The following CDH11 variants were observed in gnomAD, a reference collection of about 807,000 sequenced individuals.
CDH11 encodes cadherin-11.
In CDH11, 11 loss-of-function variants were observed where a neutral mutation model predicts 67.8. That is an observed-to-expected ratio of 0.16 (90% confidence interval 0.10 to 0.27). The LOEUF (loss-of-function observed/expected upper bound fraction) is 0.27. Among genes scored for constraint, CDH11 ranks in the 10% least tolerant of loss-of-function variants. The pLI is 1.00. For synonymous variants in CDH11, 419 were observed against 400.0 expected, an observed-to-expected ratio of 1.05 and a Z score of -0.57; for missense variants, 847 against 1,031.2, an observed-to-expected ratio of 0.82 and a Z score of 2.45.
intron 1 of CDH11, among the ~76,000 whole-genome samples, chr16:65,089,541 A>G (rs1014084511): frequency 9.2e-5 from 14 of 152,096 alleles, no homozygotes; most frequent in Non-Finnish European, 2.1e-4. Flanking sequence ...TAAGTCTTGC[A>G]GTGCTTAAAA....
chr16:64,975,638 A>C (rs1268633085), intron 8 of CDH11, among the ~76,000 whole-genome samples: 1 of 152,186 alleles, frequency 6.6e-6, no homozygotes, highest in Non-Finnish European at 1.5e-5. Context: ...ATTGAAAAAG[A>C]ACATGCTTGC....
intron 1 of CDH11, among the ~76,000 whole-genome samples, chr16:65,114,554 G>C (rs1344459183): frequency 6.6e-6 from 1 of 152,084 alleles, no homozygotes; most frequent in African/African-American, 2.4e-5. Flanking sequence ...GTACCGAGTA[G>C]AGCGTCCGGC....
chr16:65,019,903 A>T (rs924739768), intron 2 of CDH11, among the ~76,000 whole-genome samples: 3 of 152,184 alleles, frequency 2.0e-5, no homozygotes, highest in Admixed American at 6.5e-5. Flanking sequence ...GGCCAAAAAA[A>T]AAAAAGTTTC....
chr16:65,115,197 T>C (rs1267196615), intron 1 of CDH11, among the ~76,000 whole-genome samples: 1 of 151,850 alleles, frequency 6.6e-6, no homozygotes, highest in East Asian at 1.9e-4. Context: ...AGGGAAAAAA[T>C]GCAAAGGTAG....
intron 1 of CDH11, among the ~76,000 whole-genome samples, chr16:65,101,149 C>T (rs1442930449): frequency 1.3e-5 from 2 of 152,214 alleles, no homozygotes; most frequent in South Asian, 2.1e-4. Context: ...TCCATTCCAA[C>T]CACTTACACA....
Position 65,046,069 on chromosome 16 carries a change from G to A in CDH11, c.-173+7735C>T, listed in dbSNP as rs1295249320. 2.0e-5 allele frequency among the ~76,000 whole-genome samples: 3 copies of A among 152,288 alleles called. No individual in the cohort carries two copies. The East Asian group carries it at 5.8e-4, about 29-fold the overall frequency. ...CTGTTCGAAGTCCCTCTCACTTTGA[G>A]TACAAACTATCCCTTTCCATGTAAC... On this transcript the variant is annotated intron_variant, in intron 2 of 12. Transcript: ENST00000268603.
intron 1 of CDH11, among the ~76,000 whole-genome samples, chr16:65,111,674 AAC>A (rs71143552): frequency 0.18 from 24,801 of 140,458 alleles, 2,230 homozygotes; most frequent in South Asian, 0.24. Context: ...GAAAGCTAGA[AAC>A]ACACACACAC....
At chr16:64,968,479 C>T (rs1215310100) in intron 11 of CDH11, 1 of 984,766 alleles carries the variant, frequency 1.0e-6, no homozygotes, top group African/African-American at 1.7e-5. Context: ...AGCACCATTC[C>T]TGATATTAAC....
chr16:64,946,739 ATACT>A lies in CDH11; in HGVS notation c.*860_*863del, dbSNP rs1219735193. 2 of 910,086 alleles carry A rather than the reference ATACT, an allele frequency of 2.2e-6. No homozygotes were observed. Among genetic ancestry groups the A allele is most frequent in the Non-Finnish European group, 1.3e-6 (1 of 749,804 alleles). 56.4% of individuals were successfully genotyped at this position (910,086 alleles called of 1,614,324 possible). On this transcript the variant is annotated 3_prime_UTR_variant, in exon 13 of 13. Coordinates refer to ENST00000268603, the MANE Select transcript of CDH11 (RefSeq NM_001797.4). Reference sequence around the variant, plus strand: ...TAGAAATATAAATGGATCATTAGAAATACTTAACGTTTGTTTCAATGTTAAGAAT... The same window carrying A: ...TAGAAATATAAATGGATCATTAGAAATAACGTTTGTTTCAATGTTAAGAAT...
rs1338162110 is a variant in CDH11 at position 64,946,790 on chromosome 16, AT to A, written c.*812del. On this transcript the variant is annotated 3_prime_UTR_variant, in exon 13 of 13. Transcript: ENST00000268603. ...GAATCAAACCCAGAATTAAAAAAAA[AT>A]CTTTTTTTATTTCAAAGATTGCTTC... 1.1e-6 allele frequency: 1 copy of A among 883,088 alleles called. No homozygotes were observed. The highest frequency in any genetic ancestry group is 1.8e-5 in the African/African-American group (1 of 55,656). The allele number at this position is 883,088 out of a possible 1,614,324, so 54.7% of individuals were successfully genotyped here.
intron 1 of CDH11, among the ~76,000 whole-genome samples, chr16:65,111,200 C>T (rs1209931716): frequency 6.6e-6 from 1 of 152,152 alleles, no homozygotes; most frequent in African/African-American, 2.4e-5. Flanking sequence ...TGAAAAGTAA[C>T]AGCAACAAGA....
intron 1 of CDH11, among the ~76,000 whole-genome samples, chr16:65,109,252 C>T (rs1020997794): frequency 6.6e-6 from 1 of 152,170 alleles, no homozygotes; most frequent in Non-Finnish European, 1.5e-5. Flanking sequence ...AATCAAAGCC[C>T]TTATGAGGTT....
At chr16:64,948,510 A>T (rs566256057) in intron 12 of CDH11, 1 of 992,178 alleles carries the variant, frequency 1.0e-6, no homozygotes, top group South Asian at 1.4e-5. Context: ...GGACATGCAG[A>T]GCCCTTAGGG....
At chr16:65,067,075 C>A (rs1156774416) in intron 1 of CDH11, among the ~76,000 whole-genome samples, 1 of 152,068 alleles carries the variant, frequency 6.6e-6, no homozygotes, top group Non-Finnish European at 1.5e-5. Flanking sequence ...CAGATTCCTA[C>A]AACTTTCTCC....
At chr16:65,079,507 GTGTT>G (rs113095864) in intron 1 of CDH11, among the ~76,000 whole-genome samples, 77 of 152,308 alleles carry the variant, frequency 5.1e-4, no homozygotes, top group African/African-American at 1.3e-3. Context: ...GTGTGTGTGT[GTGTT>G]TGTGTGTGTG....
intron 1 of CDH11, among the ~76,000 whole-genome samples, chr16:65,116,065 C>T (rs1042562210): frequency 3.7e-4 from 56 of 152,182 alleles, no homozygotes; most frequent in African/African-American, 1.3e-3. Context: ...ATCCTGGCCC[C>T]GCTGCTGGGC....
At chr16:65,034,365 T>C (rs142466097) in intron 2 of CDH11, among the ~76,000 whole-genome samples, 123 of 152,282 alleles carry the variant, frequency 8.1e-4, no homozygotes, top group African/African-American at 2.9e-3. Flanking sequence ...TGGAACTTTG[T>C]TTCAATGGAA....
chr16:64,975,265 G>C (rs183519668), intron 8 of CDH11, among the ~76,000 whole-genome samples: 1 of 152,172 alleles, frequency 6.6e-6, no homozygotes, highest in African/African-American at 2.4e-5. Flanking sequence ...AGAACAAACT[G>C]TGGAAGCTCT....
intron 11 of CDH11, 145 bp from the exon 12 acceptor site, chr16:64,951,163 C>G (rs2071353181): frequency 1.3e-6 from 1 of 779,958 alleles, no homozygotes; most frequent in Non-Finnish European, 2.0e-6. Context: ...ATCTAAGTAT[C>G]TGCGGAAGCC....
Sources: allele counts gnomAD v4.1 joint callset (sites outside exome capture counted in the v4.1 genomes callset), GRCh38; gene constraint gnomAD v4.1.1; transcripts MANE v1.5; gene names NCBI Gene and HGNC (gene_info 2026-07-23, HGNC 2026-07-21).